The following PEPD variants were observed in gnomAD, a reference collection of about 807,000 sequenced individuals.
PEPD encodes peptidase D, also known as xaa-Pro dipeptidase.
PEPD carries 53 observed loss-of-function variants against 60.7 expected under a neutral mutation model. That is an observed-to-expected ratio of 0.87 (90% confidence interval 0.70 to 1.10). The LOEUF is 1.10. Ranked by LOEUF, PEPD falls within the 50% of genes least tolerant of loss-of-function variation. PEPD has a pLI of 0.00. For missense variants in PEPD, 711 were observed against 711.9 expected, an observed-to-expected ratio of 1.00 and a Z score of 0.01; for synonymous variants, 267 against 284.1, an observed-to-expected ratio of 0.94 and a Z score of 0.60.
Position 33,511,162 on chromosome 19 carries a change from C to T in PEPD, c.202-7G>A, listed in dbSNP as rs763346457. 29 of 1,613,670 alleles carry T rather than the reference C, an allele frequency of 1.8e-5. No individual in the cohort carries two copies. The highest frequency in any genetic ancestry group is 1.8e-4 in the East Asian group (8 of 44,884). ...CCCAGTGAAAGAAGGACTCCTGTGG[C>T]GGGAACAAGAACTATTGTTAGCCAG... On this transcript the variant is annotated splice_region_variant and splice_polypyrimidine_tract_variant and intron_variant, in intron 2 of 14. Coordinates refer to ENST00000244137, the MANE Select transcript of PEPD (RefSeq NM_000285.4).
chr19:33,513,770 G>A (rs543983672), intron 1 of PEPD, among the ~76,000 whole-genome samples: 52 of 152,264 alleles, frequency 3.4e-4, no homozygotes, highest in African/African-American at 1.1e-3. Flanking sequence ...ACTGTGGCAC[G>A]GGCATCCTCG....
intron 9 of PEPD, among the ~76,000 whole-genome samples, chr19:33,457,864 G>C (rs11673537): frequency 2.1e-4 from 13 of 62,468 alleles, no homozygotes; most frequent in Non-Finnish European, 3.8e-4. Flanking sequence ...CAAACAAAAA[G>C]AGAAAAAAAT....
intron 9 of PEPD, among the ~76,000 whole-genome samples, chr19:33,450,939 C>T (rs1969685840): frequency 6.6e-6 from 1 of 152,186 alleles, no homozygotes; most frequent in African/African-American, 2.4e-5. Flanking sequence ...GTTACCACCC[C>T]TTTCCATAGC....
chr19:33,404,923 C>T (rs1307188291), intron 11 of PEPD, among the ~76,000 whole-genome samples: 1 of 152,224 alleles, frequency 6.6e-6, no homozygotes, highest in Non-Finnish European at 1.5e-5. Context: ...CTCCCTCCCG[C>T]TCCTCTGCGT....
At chr19:33,469,794 A>AG (rs1970089648) in intron 7 of PEPD, among the ~76,000 whole-genome samples, 1 of 151,662 alleles carries the variant, frequency 6.6e-6, no homozygotes, top group Non-Finnish European at 1.5e-5. Flanking sequence ...TTGGGGGAGG[A>AG]GGGAAAGCAG....
intron 4 of PEPD, 98 bp from the exon 5 acceptor site, chr19:33,493,435 A>G (rs1970538588): frequency 5.6e-6 from 5 of 885,826 alleles, no homozygotes; most frequent in Non-Finnish European, 9.5e-6. Context: ...CACATTTATC[A>G]AGCAGATCAT....
chr19:33,388,181 G>C (rs1158949966), intron 13 of PEPD, 100 bp from the exon 14 acceptor site: 1 of 1,030,370 alleles, frequency 9.7e-7, no homozygotes, highest in Admixed American at 2.0e-5. Flanking sequence ...CAGTCTCGTG[G>C]GCTCTCTTGA....
chr19:33,415,322 G>C (rs1968868199), intron 9 of PEPD, among the ~76,000 whole-genome samples: 1 of 152,234 alleles, frequency 6.6e-6, no homozygotes, highest in Non-Finnish European at 1.5e-5. Context: ...AGAAAAGACA[G>C]GCAGAGGGAC....
At chr19:33,519,939 C>T (rs572740689) in intron 1 of PEPD, among the ~76,000 whole-genome samples, 25 of 152,102 alleles carry the variant, frequency 1.6e-4, no homozygotes, top group African/African-American at 3.9e-4. Context: ...TGGTGGCACA[C>T]GCCTGTAATT....
intron 11 of PEPD, among the ~76,000 whole-genome samples, chr19:33,402,725 G>C (rs1046543485): frequency 6.6e-6 from 1 of 152,218 alleles, no homozygotes; most frequent in Non-Finnish European, 1.5e-5. Flanking sequence ...GCAGAGACCA[G>C]CAGGACACAG....
chr19:33,473,263 A>G (rs1001122442), intron 7 of PEPD, among the ~76,000 whole-genome samples: 7 of 152,164 alleles, frequency 4.6e-5, no homozygotes, highest in Admixed American at 1.3e-4. Context: ...ATGAGGACAC[A>G]AAGATGAGCA....
chr19:33,443,448 T>A (rs1318809464), intron 9 of PEPD, among the ~76,000 whole-genome samples: 1 of 152,170 alleles, frequency 6.6e-6, no homozygotes, highest in East Asian at 1.9e-4. Flanking sequence ...AAATTATTAT[T>A]CATTTAAATT....
At chr19:33,519,830 C>T (rs556376540) in intron 1 of PEPD, among the ~76,000 whole-genome samples, 78 of 152,238 alleles carry the variant, frequency 5.1e-4, no homozygotes, top group African/African-American at 1.3e-3. Context: ...CTTTGGGAGG[C>T]GGAGGCGGGT....
At chr19:33,417,785 G>T (rs973407157) in intron 9 of PEPD, among the ~76,000 whole-genome samples, 11 of 152,162 alleles carry the variant, frequency 7.2e-5, no homozygotes, top group African/African-American at 2.7e-4. Context: ...CAGGCTTTGA[G>T]AAACAGCCTC....
intron 3 of PEPD, among the ~76,000 whole-genome samples, chr19:33,505,668 C>T (rs527460652): frequency 6.6e-6 from 1 of 151,848 alleles, no homozygotes; most frequent in South Asian, 2.1e-4. Context: ...ACACAACACA[C>T]AACACACCCT....
chr19:33,467,348 C>T (rs1970040226), intron 7 of PEPD, among the ~76,000 whole-genome samples: 2 of 148,016 alleles, frequency 1.4e-5, no homozygotes, highest in South Asian at 2.2e-4. Context: ...AGTTTTATGG[C>T]TTTTTTTTTT....
chr19:33,462,984 TG>T lies in PEPD; in HGVS notation c.671+10del. The T allele has an allele frequency of 6.4e-7, 1 of 1,565,614 alleles. No homozygotes were observed. The highest frequency in any genetic ancestry group is 8.8e-7 in the Non-Finnish European group (1 of 1,135,748). On this transcript the variant is annotated intron_variant, in intron 9 of 14. Coordinates refer to ENST00000244137, the MANE Select transcript of PEPD (RefSeq NM_000285.4). ...CCTTTTAATTTTACCCGGAGAAACA[TG>T]GTGGCTTACCTTTCCAACTCATATT... is the stretch of plus-strand genomic sequence containing the variant.
chr19:33,501,674 C>T (rs1485799957), intron 3 of PEPD, among the ~76,000 whole-genome samples: 1 of 151,860 alleles, frequency 6.6e-6, no homozygotes, highest in Non-Finnish European at 1.5e-5. Context: ...GAGACTCCAT[C>T]TCAAATAATA....
chr19:33,425,765 C>CA (rs1196022963), intron 9 of PEPD, among the ~76,000 whole-genome samples: 1 of 152,194 alleles, frequency 6.6e-6, no homozygotes, highest in Non-Finnish European at 1.5e-5. Flanking sequence ...CCAAAACTGC[C>CA]AGGGTGTCTC....
Sources: allele counts gnomAD v4.1 joint callset (sites outside exome capture counted in the v4.1 genomes callset), GRCh38; gene constraint gnomAD v4.1.1; transcripts MANE v1.5; gene names NCBI Gene and HGNC (gene_info 2026-07-23, HGNC 2026-07-21).